Variants in HIPK2 observed in about 807,000 individuals in gnomAD.
HIPK2 encodes the protein homeodomain-interacting protein kinase 2.
A neutral mutation model predicts 113.7 loss-of-function variants in HIPK2; 27 were observed. The ratio of observed to expected loss-of-function variants is 0.24; its 90% confidence interval spans 0.17 to 0.33. The LOEUF is 0.33. Among genes scored for constraint, HIPK2 ranks in the 10% least tolerant of loss-of-function variants. HIPK2 has a pLI of 1.00. For synonymous variants in HIPK2, 631 were observed against 642.2 expected, an observed-to-expected ratio of 0.98 and a Z score of 0.26; for missense variants, 1,257 against 1,588.0, an observed-to-expected ratio of 0.79 and a Z score of 3.54.
rs1215929924 is a variant in HIPK2, at chr7:139,567,107, C to G, written c.*5820G>C. The G allele has an allele frequency of 6.6e-6, 1 of 152,242 alleles. No individual in the cohort carries two copies. Among genetic ancestry groups the G allele is most frequent in the Non-Finnish European group, 1.5e-5 (1 of 68,066 alleles). The allele number at this position is 152,242 out of a possible 1,614,324, so 9.4% of individuals were successfully genotyped here. ...ATTTAAATCCTGTTTCACCGCCTTC[C>G]ATTCTCTAGTGGCCTGAGATTTTAC... On this transcript the variant is annotated 3_prime_UTR_variant, in exon 15 of 15. Transcript: ENST00000406875.
intron 2 of HIPK2, among the ~76,000 whole-genome samples, chr7:139,674,379 G>A (rs985276383): frequency 1.2e-4 from 18 of 152,174 alleles, no homozygotes; most frequent in Admixed American, 1.1e-3. Context: ...AAGCCGTATG[G>A]TATTGATTAG....
chr7:139,669,501 T>C (rs1041184955), intron 2 of HIPK2, among the ~76,000 whole-genome samples: 3 of 152,206 alleles, frequency 2.0e-5, no homozygotes, highest in African/African-American at 7.2e-5. Flanking sequence ...AAATGAGACA[T>C]CTGGTTCTCC....
rs373239085 is a variant in HIPK2, at chr7:139,631,153, C to T, written c.1347+12G>A. 1.1e-4 allele frequency: 180 copies of T among 1,605,662 alleles called. No homozygotes were observed. Among genetic ancestry groups the T allele is most frequent in the Middle Eastern group, 4.9e-4 (3 of 6,082 alleles). On this transcript the variant is annotated intron_variant, in intron 4 of 14. Coordinates refer to ENST00000406875, the MANE Select transcript of HIPK2 (RefSeq NM_022740.5). This position sits in a 1 kb window ranked among gnomAD's most constrained non-coding sequence, Gnocchi z 4.9. Reference sequence around the variant, plus strand: ...GGGCCACTGTGAGGAGTGGAGGAGACGCTCTTCCTACCTTCAGTCTCCACA... The same window carrying T: ...GGGCCACTGTGAGGAGTGGAGGAGATGCTCTTCCTACCTTCAGTCTCCACA...
At chr7:139,626,859 T>G (rs1439297288) in intron 5 of HIPK2, 74 bp from the exon 6 acceptor site, 5 of 1,558,248 alleles carry the variant, frequency 3.2e-6, no homozygotes, top group Non-Finnish European at 3.5e-6. Context: ...CCTTATTTTT[T>G]GCCCTGTAAC....
At chr7:139,658,637 G>A (rs540989247) in intron 2 of HIPK2, among the ~76,000 whole-genome samples, 56 of 152,182 alleles carry the variant, frequency 3.7e-4, no homozygotes, top group Non-Finnish European at 6.0e-4. Context: ...ATACAACCTA[G>A]GTAGGAAGAG....
intron 13 of HIPK2, chr7:139,583,594 G>A (rs1157269612): frequency 3.5e-5 from 21 of 594,594 alleles, no homozygotes; most frequent in Non-Finnish European, 5.0e-5. Flanking sequence ...AAGGCAGAGA[G>A]GTATTGATTA....
intron 1 of HIPK2, among the ~76,000 whole-genome samples, chr7:139,737,930 G>A (rs1311523483): frequency 6.6e-6 from 1 of 152,246 alleles, no homozygotes; most frequent in Non-Finnish European, 1.5e-5. Flanking sequence ...TATTCAACCA[G>A]TGACAAAAGC....
intron 1 of HIPK2, among the ~76,000 whole-genome samples, chr7:139,740,808 C>G (rs574219133): frequency 6.6e-6 from 1 of 152,348 alleles, no homozygotes; most frequent in African/African-American, 2.4e-5. Flanking sequence ...AGTAAACAAA[C>G]ACTCACACTT....
chr7:139,656,588 T>C (rs983484248), intron 2 of HIPK2, among the ~76,000 whole-genome samples: 2 of 152,186 alleles, frequency 1.3e-5, no homozygotes, highest in Non-Finnish European at 2.9e-5. Flanking sequence ...CCTGACTCAC[T>C]TTCATCATCC....
chr7:139,695,558 G>C (rs907844294), intron 2 of HIPK2, among the ~76,000 whole-genome samples: 189 of 152,302 alleles, frequency 1.2e-3, no homozygotes, highest in African/African-American at 4.4e-3. Flanking sequence ...AGTTATTCAA[G>C]AGGCCAGGGG....
chr7:139,696,741 G>GC (rs1794579100), intron 2 of HIPK2, among the ~76,000 whole-genome samples: 3 of 152,238 alleles, frequency 2.0e-5, no homozygotes, highest in East Asian at 3.9e-4. Flanking sequence ...AAAGAGTAAA[G>GC]GGGGAAGAGT....
intron 2 of HIPK2, among the ~76,000 whole-genome samples, chr7:139,679,755 T>C (rs1802632017): frequency 6.6e-6 from 1 of 152,184 alleles, no homozygotes; most frequent in Admixed American, 6.6e-5. Flanking sequence ...CCTTGTCAGC[T>C]CATCTCAGGA....
In HIPK2 at chr7:139,610,405, C is replaced by T. The variant is rs914590823; in HGVS notation, c.2112+2797G>A. Among the ~76,000 whole-genome samples, 8 of 152,030 alleles carry T rather than the reference C, an allele frequency of 5.3e-5. No individual in the cohort carries two copies. The South Asian group carries it at 1.7e-3, about 32-fold the overall frequency. On this transcript the variant is annotated intron_variant, in intron 9 of 14. Transcript: ENST00000406875. The stretch of plus-strand genomic sequence containing the variant: ...TAAAGTATGAAGAAGCTTTTTTGCC[C>T]CTGGACTGAGCTGTAGTTCTTTCTC...
At chr7:139,742,589 G>A (rs1028083874) in intron 1 of HIPK2, among the ~76,000 whole-genome samples, 15 of 152,032 alleles carry the variant, frequency 9.9e-5, no homozygotes, top group African/African-American at 3.4e-4. Flanking sequence ...AATCCCCAAG[G>A]AATCTTTTAG....
intron 2 of HIPK2, among the ~76,000 whole-genome samples, chr7:139,690,504 T>C (rs547306435): frequency 8.5e-5 from 13 of 152,132 alleles, no homozygotes; most frequent in Admixed American, 7.2e-4. Context: ...AATAAATGAG[T>C]TCTTGCTCTA....
intron 1 of HIPK2, among the ~76,000 whole-genome samples, chr7:139,732,324 G>C (rs1264348239): frequency 2.0e-5 from 3 of 152,162 alleles, no homozygotes; most frequent in Non-Finnish European, 4.4e-5. Flanking sequence ...TTTTTCTACT[G>C]TGAGTCACTG....
At chr7:139,673,212 T>C (rs1802367347) in intron 2 of HIPK2, among the ~76,000 whole-genome samples, 1 of 148,626 alleles carries the variant, frequency 6.7e-6, no homozygotes, top group African/African-American at 2.5e-5. Flanking sequence ...GAGAAGAGAG[T>C]GCAGATTACG....
intron 1 of HIPK2, among the ~76,000 whole-genome samples, chr7:139,758,677 C>A (rs190569282): frequency 6.6e-6 from 1 of 152,110 alleles, no homozygotes; most frequent in Non-Finnish European, 1.5e-5. Context: ...CCAGATTGTG[C>A]GCTCATTATG....
At position 139,596,996 on chromosome 7, in the gene HIPK2, T is replaced by C; in HGVS notation, c.2438A>G (p.Asn813Ser). 6.3e-7 allele frequency: 1 copy of C among 1,588,364 alleles called. No homozygotes were observed. Among genetic ancestry groups the C allele is most frequent in the Non-Finnish European group, 8.6e-7 (1 of 1,159,932 alleles). ...GGAGGACACCTCACAGGTGGAGACATTTCTGTAATGAGAAAACCACACTCT... is the reference window on the plus strand; with the variant it reads ...GGAGGACACCTCACAGGTGGAGACACTTCTGTAATGAGAAAACCACACTCT... Reference protein sequence around the residue: ...KSKQHQSSVRNVSTCEVSSSQ... With the variant: ...KSKQHQSSVRSVSTCEVSSSQ... The change falls in exon 12 of 15, where the codon AAT becomes AGT. Residue 813 changes from asparagine to serine, a missense_variant and splice_region_variant. Asn to Ser is a conservative substitution (Grantham distance 46). This residue lies in a region of HIPK2 where 862 missense variants were observed against 1,004.3 expected (regional missense o/e 0.86). Transcript: ENST00000406875.
Sources: gnomAD v4.1 joint callset for allele counts (sites outside exome capture counted in the v4.1 genomes callset) on GRCh38, gnomAD v4.1.1 for gene constraint, gnomAD v4.1.1 regional missense constraint, Gnocchi (gnomAD v3.1) non-coding constraint, MANE v1.5 for transcripts, NCBI Gene and HGNC (gene_info 2026-07-23, HGNC 2026-07-21) for gene names.